ALCAM: variants seen among roughly 807,000 people sequenced by gnomAD.
ALCAM encodes activated leukocyte cell adhesion molecule.
In ALCAM, 30 loss-of-function variants were observed where a neutral mutation model predicts 70.9. The ratio of observed to expected loss-of-function variants is 0.42; its 90% confidence interval spans 0.32 to 0.57. The LOEUF (loss-of-function observed/expected upper bound fraction) is 0.57, where lower values mean the gene tolerates loss of function less well. Ranked by LOEUF, ALCAM falls within the 20% of genes least tolerant of loss-of-function variation. The pLI is 0.11. For synonymous variants in ALCAM, 249 were observed against 242.5 expected (o/e 1.03, Z -0.25); for missense variants, 591 against 695.1 (o/e 0.85, Z 1.68).
At chr3:105,419,419 G>A (rs544017095) in intron 1 of ALCAM, among the ~76,000 whole-genome samples, 2 of 151,862 alleles carry the variant, frequency 1.3e-5, no homozygotes, top group South Asian at 2.1e-4. Flanking sequence ...AAAAGTCAGG[G>A]AAACACTAAT....
At chr3:105,476,348 C>G (rs1938109311) in intron 1 of ALCAM, among the ~76,000 whole-genome samples, 1 of 152,054 alleles carries the variant, frequency 6.6e-6, no homozygotes, top group African/African-American at 2.4e-5. Context: ...ATTGTTATGT[C>G]TGTGTTAATA....
chr3:105,515,388 C>T (rs1182623729), intron 1 of ALCAM, among the ~76,000 whole-genome samples: 2 of 151,986 alleles, frequency 1.3e-5, no homozygotes, highest in Non-Finnish European at 1.5e-5. Context: ...ATGTATCATT[C>T]TGCTTCTATC....
chr3:105,396,575 T>A (rs1935955831), intron 1 of ALCAM, among the ~76,000 whole-genome samples: 1 of 152,040 alleles, frequency 6.6e-6, no homozygotes, highest in African/African-American at 2.4e-5. Context: ...AGTTTTTAAG[T>A]AGAATTAATT....
At chr3:105,385,776 G>C (rs761393128) in intron 1 of ALCAM, among the ~76,000 whole-genome samples, 7 of 151,598 alleles carry the variant, frequency 4.6e-5, no homozygotes, top group Admixed American at 6.6e-5. Flanking sequence ...ATTCTGAATT[G>C]TATTTGTCTG....
chr3:105,482,991 T>A (rs1348489556), intron 1 of ALCAM, among the ~76,000 whole-genome samples: 2 of 152,128 alleles, frequency 1.3e-5, no homozygotes, highest in Non-Finnish European at 2.9e-5. Flanking sequence ...CCCAGCCAAT[T>A]TCCCCCCTGA....
intron 12 of ALCAM, among the ~76,000 whole-genome samples, 159 bp from the exon 13 acceptor site, chr3:105,551,985 G>C (rs1271753940): frequency 1.3e-5 from 2 of 149,354 alleles, no homozygotes; most frequent in South Asian, 4.2e-4. Context: ...TTGTAGGCAA[G>C]GTCATACTTT....
At chr3:105,549,286 C>T (rs891773726) in intron 11 of ALCAM, among the ~76,000 whole-genome samples, 5 of 151,242 alleles carry the variant, frequency 3.3e-5, no homozygotes, top group African/African-American at 4.8e-5. Context: ...TGTTATTTTA[C>T]AACTAGAAGA....
chr3:105,467,158 T>G (rs986198563), intron 1 of ALCAM, among the ~76,000 whole-genome samples: 5 of 151,350 alleles, frequency 3.3e-5, no homozygotes, highest in Non-Finnish European at 7.4e-5. Flanking sequence ...CATAGGCTAG[T>G]ATGAAAAGTG....
intron 1 of ALCAM, among the ~76,000 whole-genome samples, chr3:105,477,325 T>C (rs572222427): frequency 6.6e-6 from 1 of 152,262 alleles, no homozygotes; most frequent in African/African-American, 2.4e-5. Flanking sequence ...TTAGCATTTC[T>C]AGTAATATAG....
At chr3:105,550,767 G>T (rs940499122) in intron 12 of ALCAM, among the ~76,000 whole-genome samples, 2 of 151,500 alleles carry the variant, frequency 1.3e-5, no homozygotes, top group African/African-American at 4.8e-5. Flanking sequence ...CATGAATCTA[G>T]TTTACAAAAC....
chr3:105,386,877 T>G (rs1447823567), intron 1 of ALCAM, among the ~76,000 whole-genome samples: 2 of 151,512 alleles, frequency 1.3e-5, no homozygotes, highest in African/African-American at 4.8e-5. Context: ...TGGAATGCTG[T>G]TCTTTTGATC....
At chr3:105,395,106 C>T (rs1935917718) in intron 1 of ALCAM, among the ~76,000 whole-genome samples, 1 of 151,862 alleles carries the variant, frequency 6.6e-6, no homozygotes, top group Non-Finnish European at 1.5e-5. Flanking sequence ...AGTTAATCAA[C>T]ATGTATGATT....
At chr3:105,541,228 C>T (rs1940107588) in intron 7 of ALCAM, among the ~76,000 whole-genome samples, 2 of 150,990 alleles carry the variant, frequency 1.3e-5, no homozygotes, top group African/African-American at 4.9e-5. Context: ...TTCCTTCCTT[C>T]CTTCTTTCCT....
In ALCAM at chr3:105,552,583, A is replaced by C. The variant is rs1315654670; in HGVS notation, c.1662A>C (p.Ser554=). Residue 554 remains serine (S), a splice_region_variant and synonymous_variant, in exon 14 of 16, where the codon TCA becomes TCC. Coordinates refer to ENST00000306107, the MANE Select transcript of ALCAM (RefSeq NM_001627.4). ...GVVYWLYMKK[S]KTASKHVNKD... Reference sequence around the variant, plus strand: ...TCTACTGGCTGTACATGAAGAAGTCAAAGTGAGTTGTGGAAAAAAGATCTT... The same window carrying C: ...TCTACTGGCTGTACATGAAGAAGTCCAAGTGAGTTGTGGAAAAAAGATCTT... 6.2e-7 allele frequency: 1 copy of C among 1,611,268 alleles called. No homozygotes were observed. The highest frequency in any genetic ancestry group is 8.5e-7 in the Non-Finnish European group (1 of 1,178,012).
chr3:105,548,251 G>C (rs1376613215), intron 11 of ALCAM, among the ~76,000 whole-genome samples: 1 of 151,296 alleles, frequency 6.6e-6, no homozygotes. Flanking sequence ...TACCACTAGG[G>C]ATTCAGAACT....
intron 8 of ALCAM, chr3:105,544,915 AT>A (rs940213249): frequency 7.3e-5 from 20 of 275,352 alleles, no homozygotes; most frequent in Non-Finnish European, 1.1e-4. Context: ...GTGACTTAAG[AT>A]TTTTTTTTCT....
chr3:105,561,881 G>A (rs1431382339), intron 14 of ALCAM, among the ~76,000 whole-genome samples: 1 of 152,150 alleles, frequency 6.6e-6, no homozygotes, highest in Non-Finnish European at 1.5e-5. Flanking sequence ...TATTCTACCA[G>A]CATCGATGTG....
chr3:105,421,676 C>A (rs1936654452), intron 1 of ALCAM, among the ~76,000 whole-genome samples: 1 of 151,434 alleles, frequency 6.6e-6, no homozygotes, highest in African/African-American at 2.4e-5. Context: ...CAAAGTGGAT[C>A]TCTCAAGAAG....
In ALCAM at chr3:105,575,056, C is replaced by T. The variant is rs1940931922; in HGVS notation, c.*605C>T. ...CTGATAGACACCATAGGAGCCGACT[C>T]TTTGATATGCCACCAGCGAACTCTC... On this transcript the variant is annotated 3_prime_UTR_variant, in exon 16 of 16. Coordinates refer to ENST00000306107, the MANE Select transcript of ALCAM (RefSeq NM_001627.4). The T allele has an allele frequency of 1.3e-5, 2 of 152,538 alleles. No individual in the cohort carries two copies. The highest frequency in any genetic ancestry group is 2.9e-5 in the Non-Finnish European group (2 of 68,030). 9.4% of individuals were successfully genotyped at this position (152,538 alleles called of 1,614,324 possible). A position where few individuals can be genotyped will look rare whatever the true frequency, so the allele number is the denominator to read the frequency against.
Sources: allele counts gnomAD v4.1 joint callset (sites outside exome capture counted in the v4.1 genomes callset), GRCh38; gene constraint gnomAD v4.1.1; transcripts MANE v1.5; gene names NCBI Gene and HGNC (gene_info 2026-07-23, HGNC 2026-07-21).